Variants in DLST observed in about 807,000 individuals in gnomAD.
The protein encoded by DLST is dihydrolipoyllysine-residue succinyltransferase component of 2-oxoglutarate dehydrogenase complex, mitochondrial.
A neutral mutation model predicts 53.1 loss-of-function variants in DLST; 17 were observed. The observed-to-expected ratio is 0.32, with a 90% confidence interval of 0.22 to 0.48. The LOEUF is 0.48. Ranked by LOEUF, DLST falls within the 20% of genes least tolerant of loss-of-function variation. The pLI is 0.99. For missense variants in DLST, 512 were observed against 583.9 expected (o/e 0.88, Z 1.27); for synonymous variants, 206 against 204.8 (o/e 1.01, Z -0.05).
rs988262078 is a variant in DLST, at chr14:74,889,937, G to C, written c.315G>C (p.Glu105Asp). The C allele has an allele frequency of 1.2e-6, 2 of 1,613,778 alleles. No homozygotes were observed. The highest frequency in any genetic ancestry group is 2.7e-5 in the African/African-American group (2 of 74,868). ...DTVAEDEVVC[E>D]IETDKTSVQV... ...TTGCAGAAGATGAAGTGGTTTGTGA[G>C]ATTGAAACTGACAAGGTAGGCTTAT... The change falls in exon 6 of 15, where the codon GAG becomes GAC. Residue 105 changes from glutamate (E) to aspartate (D), a missense_variant. Transcript: ENST00000334220.
intron 11 of DLST, 98 bp from the exon 12 acceptor site, chr14:74,899,825 C>T: frequency 1.1e-6 from 1 of 952,356 alleles, no homozygotes. Context: ...CACACTGTAT[C>T]AAGCTCTGCA....
intron 9 of DLST, 58 bp downstream of exon 9, chr14:74,893,482 G>C: frequency 6.3e-7 from 1 of 1,588,992 alleles, no homozygotes. Context: ...GAGATTAGTG[G>C]AGTATGGGTG....
rs991200140 is a variant in DLST at position 74,902,927 on chromosome 14, G to T, written c.*597G>T. 2.0e-5 allele frequency: 3 copies of T among 152,698 alleles called. No homozygotes were observed. Among genetic ancestry groups the T allele is most frequent in the African/African-American group, 7.2e-5 (3 of 41,440 alleles). The allele number at this position is 152,698 out of a possible 1,614,324, so 9.5% of individuals were successfully genotyped here. A position where few individuals can be genotyped will look rare whatever the true frequency, so the allele number is the denominator to read the frequency against. ...CTCTTCCAGGAAGCACAGGCCAGGG[G>T]ATCTGGGTGTGTGAGTGGGAGGAGA... On this transcript the variant is annotated 3_prime_UTR_variant, in exon 15 of 15. Transcript: ENST00000334220.
At chr14:74,886,185 A>C (rs1021855250) in intron 3 of DLST, among the ~76,000 whole-genome samples, 2 of 152,216 alleles carry the variant, frequency 1.3e-5, no homozygotes, top group Admixed American at 1.3e-4. Context: ...TTTGCATTCC[A>C]AGTGTTTTTG....
chr14:74,900,066 CA>C (rs1884194198), intron 12 of DLST, 70 bp downstream of exon 12: 6 of 1,292,014 alleles, frequency 4.6e-6, no homozygotes, highest in African/African-American at 4.5e-5. Flanking sequence ...GGAGATCACA[CA>C]AGAGAAATCA....
intron 7 of DLST, chr14:74,891,706 A>G: frequency 1.0e-6 from 1 of 984,636 alleles, no homozygotes; most frequent in South Asian, 4.7e-5. Context: ...ACTTTATCTG[A>G]CTCTTAGTTA....
intron 3 of DLST, among the ~76,000 whole-genome samples, chr14:74,887,263 A>G (rs896093105): frequency 6.6e-6 from 1 of 152,210 alleles, no homozygotes; most frequent in African/African-American, 2.4e-5. Flanking sequence ...ACTGTGTGGT[A>G]TGATCCCATT....
At chr14:74,882,147 C>A in intron 1 of DLST, 131 bp downstream of exon 1, 1 of 786,012 alleles carries the variant, frequency 1.3e-6, no homozygotes, top group Non-Finnish European at 1.7e-6. Flanking sequence ...GGAGGCCGCG[C>A]GGGCTGGGCG....
At position 74,902,513 on chromosome 14, in the gene DLST, C is replaced by A; in HGVS notation, c.*183C>A. The A allele has an allele frequency of 1.7e-6, 1 of 584,810 alleles. No individual in the cohort carries two copies. The highest frequency in any genetic ancestry group is 2.8e-6 in the Non-Finnish European group (1 of 361,292). 36.2% of individuals were successfully genotyped at this position (584,810 alleles called of 1,614,324 possible). On this transcript the variant is annotated 3_prime_UTR_variant, in exon 15 of 15. Coordinates refer to ENST00000334220, the MANE Select transcript of DLST (RefSeq NM_001933.5). ...CTTTTCTTGGCGTTCCTGCCAGGCTCTCCCTCTCTGCACCTGTCTCATAGC... is the reference window on the plus strand; with the variant it reads ...CTTTTCTTGGCGTTCCTGCCAGGCTATCCCTCTCTGCACCTGTCTCATAGC...
In DLST at chr14:74,902,549, T is replaced by G; in HGVS notation, c.*219T>G. 1 of 446,114 alleles carries G rather than the reference T, an allele frequency of 2.2e-6. No homozygotes were observed. The highest frequency in any genetic ancestry group is 3.9e-6 in the Non-Finnish European group (1 of 253,374). 27.6% of individuals were successfully genotyped at this position (446,114 alleles called of 1,614,324 possible). A position where few individuals can be genotyped will look rare whatever the true frequency, so the allele number is the denominator to read the frequency against. On this transcript the variant is annotated 3_prime_UTR_variant, in exon 15 of 15. Coordinates refer to ENST00000334220, the MANE Select transcript of DLST (RefSeq NM_001933.5). ...CACCTGTCTCATAGCCTCGAATATC[T>G]TAATTCCTTAGGCTTAAGAGAGAGA...
At chr14:74,883,428 A>G (rs1472618026) in intron 2 of DLST, among the ~76,000 whole-genome samples, 1 of 152,216 alleles carries the variant, frequency 6.6e-6, no homozygotes, top group Non-Finnish European at 1.5e-5. Flanking sequence ...AGAGCTGGAA[A>G]AAAGGTGATT....
At chr14:74,894,214 C>G in intron 9 of DLST, 98 bp from the exon 10 acceptor site, 2 of 1,423,000 alleles carry the variant, frequency 1.4e-6, no homozygotes, top group Non-Finnish European at 1.9e-6. Flanking sequence ...TAGTCCTTGG[C>G]CATCTACTCG....
At chr14:74,885,507 G>T in intron 2 of DLST, 79 bp from the exon 3 acceptor site, 1 of 1,414,536 alleles carries the variant, frequency 7.1e-7, no homozygotes, top group South Asian at 1.2e-5. Flanking sequence ...GGTTGGGGGT[G>T]AGCAGACCTT....
chr14:74,898,055 A>C (rs553941938), intron 10 of DLST, among the ~76,000 whole-genome samples: 1 of 152,022 alleles, frequency 6.6e-6, no homozygotes, highest in South Asian at 2.1e-4. Context: ...TATTCAGGGC[A>C]AGGATGTTGG....
chr14:74,882,159 C>G (rs1322700892), intron 1 of DLST, 143 bp downstream of exon 1: 1 of 709,230 alleles, frequency 1.4e-6, no homozygotes, highest in African/African-American at 1.9e-5. Flanking sequence ...GGCTGGGCGG[C>G]CCGGGGCCGT....
chr14:74,881,998 G>C lies in DLST; in HGVS notation c.45G>C (p.Ser15=), dbSNP rs1292032158. The change falls in exon 1 of 15, where the codon TCG becomes TCC. Residue 15 remains serine, a synonymous_variant. Coordinates refer to ENST00000334220, the MANE Select transcript of DLST (RefSeq NM_001933.5). ...SRCVSRAFSR[S]LSAFQKGNCP... ...GTGTGTCTCGGGCGTTCAGCCGCTC[G>C]CTCTCCGCCTTCCAGAAGGTACGGT... 6.4e-7 allele frequency: 1 copy of C among 1,571,868 alleles called. No individual in the cohort carries two copies. Among genetic ancestry groups the C allele is most frequent in the African/African-American group, 1.4e-5 (1 of 73,198 alleles).
Position 74,888,949 on chromosome 14 carries a change from T to G in DLST, c.147-146T>G, listed in dbSNP as rs1465696575. The G allele has an allele frequency of 2.7e-5, 21 of 783,550 alleles. No individual in the cohort carries two copies. In the East Asian group the frequency reaches 5.4e-4, roughly 20 times the overall value. 48.5% of individuals were successfully genotyped at this position (783,550 alleles called of 1,614,324 possible). On this transcript the variant is annotated intron_variant, in intron 3 of 14. Transcript: ENST00000334220. ...GGGAGAGGCCTAGACAAGTGAACTT[T>G]GAAAAAGTTCCTCCCCAAGTGACAC...
In DLST at chr14:74,882,024, C is replaced by T; in HGVS notation, c.63+8C>T. ...CTCTCCGCCTTCCAGAAGGTACGGT[C>T]TGGCCGAGCCGGGGCCCCGACGGGT... On this transcript the variant is annotated splice_region_variant and intron_variant, in intron 1 of 14. Coordinates refer to ENST00000334220, the MANE Select transcript of DLST (RefSeq NM_001933.5). 1 of 1,551,622 alleles carries T rather than the reference C, an allele frequency of 6.4e-7. No individual in the cohort carries two copies. Among genetic ancestry groups the T allele is most frequent in the Non-Finnish European group, 8.6e-7 (1 of 1,158,004 alleles).
chr14:74,884,260 A>G (rs1566788274), intron 2 of DLST, among the ~76,000 whole-genome samples: 1 of 152,208 alleles, frequency 6.6e-6, no homozygotes, highest in Non-Finnish European at 1.5e-5. Flanking sequence ...TAAAGTGTGG[A>G]CTTTATCCTG....
Sources: allele counts gnomAD v4.1 joint callset (sites outside exome capture counted in the v4.1 genomes callset), GRCh38; gene constraint gnomAD v4.1.1; transcripts MANE v1.5; gene names NCBI Gene and HGNC (gene_info 2026-07-23, HGNC 2026-07-21).